The following HOOK2 variants were observed in gnomAD, a reference collection of about 807,000 sequenced individuals.
HOOK2 encodes the protein protein Hook homolog 2.
Under a neutral mutation model 111.9 loss-of-function variants are expected in HOOK2, and 108 were observed. The ratio of observed to expected loss-of-function variants is 0.96; its 90% CI spans 0.83 to 1.13. The LOEUF (loss-of-function observed/expected upper bound fraction) is 1.13, where lower values mean the gene tolerates loss of function less well. Among genes scored for constraint, HOOK2 ranks in the 50% most tolerant of loss-of-function variants. HOOK2 has a pLI of 0.00. For synonymous variants in HOOK2, 405 were observed against 394.3 expected (o/e 1.03, Z -0.32); for missense variants, 978 against 951.3 (o/e 1.03, Z -0.37).
At chr19:12,788,665 G>A (rs1047426720) in intron 3 of HOOK2, among the ~76,000 whole-genome samples, 3 of 151,792 alleles carry the variant, frequency 2.0e-5, no homozygotes, top group Non-Finnish European at 2.9e-5. Flanking sequence ...CCTGGCTTTT[G>A]GGACCTGCAA....
chr19:12,764,500 T>C (rs935288458), intron 20 of HOOK2: 5 of 269,218 alleles, frequency 1.9e-5, no homozygotes, highest in African/African-American at 6.7e-5. Context: ...CAGCTAATTT[T>C]TGTATTTTTA....
intron 7 of HOOK2, chr19:12,771,726 A>C (rs1968334781): frequency 2.0e-6 from 1 of 501,554 alleles, no homozygotes; most frequent in Non-Finnish European, 3.6e-6. Context: ...TACTAAAAAC[A>C]CAAAAATTAG....
chr19:12,768,003 T>G lies in HOOK2; in HGVS notation c.1215+10A>C, dbSNP rs1280650605. ...AGGGTGGGGCTTGGGCAGTGGAACC[T>G]CAGCCTCACCTCCTTCTCCTTTGTC... On this transcript the variant is annotated intron_variant, in intron 12 of 22. Transcript: ENST00000397668. 1 of 1,613,362 alleles carries G rather than the reference T, an allele frequency of 6.2e-7. No individual in the cohort carries two copies. The highest frequency in any genetic ancestry group is 1.1e-5 in the South Asian group (1 of 91,050).
intron 7 of HOOK2, 120 bp downstream of exon 7, chr19:12,772,070 G>T: frequency 2.6e-6 from 2 of 763,908 alleles, no homozygotes; most frequent in African/African-American, 1.7e-5. Context: ...TCTGTAAGTG[G>T]GGTCTGGACC....
At chr19:12,783,715 T>C (rs986449994) in intron 3 of HOOK2, among the ~76,000 whole-genome samples, 2 of 152,080 alleles carry the variant, frequency 1.3e-5, no homozygotes, top group Non-Finnish European at 2.9e-5. Flanking sequence ...GTTGGGTTGT[T>C]GTGGGGATTA....
In HOOK2 at chr19:12,791,715, C is replaced by A; in HGVS notation, n.42-17490G>T. On this transcript the variant is annotated intron_variant and non_coding_transcript_variant, in intron 3 of 3. Coordinates refer to the HOOK2 transcript ENST00000589765. The surrounding 1 kb of genome is among the most constrained non-coding windows in gnomAD (Gnocchi z 7.0). ...GCAGCGGAGAGCTCGCCGCTCGCTG[C>A]AGCGAGGCCCGGAGCGGCCCCGCAG... The A allele has an allele frequency of 7.5e-7, 1 of 1,334,134 alleles. No homozygotes were observed. The allele number at this position is 1,334,134 out of a possible 1,614,324, so 82.6% of individuals were successfully genotyped here. A position where few individuals can be genotyped will look rare whatever the true frequency, so the allele number is the denominator to read the frequency against.
chr19:12,765,631 A>G lies in HOOK2; in HGVS notation c.1640+59T>C, dbSNP rs1286849585. The stretch of plus-strand genomic sequence containing the variant: ...AGGCATGGTGGCACATGCCTAAGAA[A>G]CTCCCCACTAATATCAAATCCATGC... On this transcript the variant is annotated intron_variant, in intron 18 of 22. Transcript: ENST00000397668. 2.5e-6 allele frequency: 4 copies of G among 1,600,394 alleles called. No individual in the cohort carries two copies. The Admixed American group carries it at 6.7e-5, about 27-fold the overall frequency.
Position 12,772,780 on chromosome 19 carries a change from CCTG to C in HOOK2, c.385_387del (p.Gln129del). ...TGGGGACCCCCTAAGCTCCCCATAC[CCTG>C]CTTTTTCTCGCAACTGATGGCACAG... is the stretch of plus-strand genomic sequence containing the variant. On this transcript the variant is annotated inframe_deletion and splice_region_variant, in exon 5 of 23. Transcript: ENST00000397668. 6.2e-7 allele frequency: 1 copy of C among 1,614,118 alleles called. No individual in the cohort carries two copies.
chr19:12,787,450 G>T (rs919095813), intron 3 of HOOK2, among the ~76,000 whole-genome samples: 6 of 151,900 alleles, frequency 3.9e-5, no homozygotes, highest in Non-Finnish European at 5.9e-5. Flanking sequence ...GGCCAACATG[G>T]TGAAACCCCA....
At chr19:12,789,268 C>T (rs1218041733) in intron 3 of HOOK2, among the ~76,000 whole-genome samples, 3 of 152,054 alleles carry the variant, frequency 2.0e-5, no homozygotes, top group Non-Finnish European at 4.4e-5. Flanking sequence ...TGGGTTCACA[C>T]ACTAACTGCT....
upstream of HOOK2, among the ~76,000 whole-genome samples, chr19:12,776,917 G>C (rs1968531313): frequency 1.3e-5 from 2 of 151,836 alleles, no homozygotes; most frequent in Non-Finnish European, 2.9e-5. Flanking sequence ...CAGCACTTTG[G>C]GAGGCCTAGG....
In HOOK2 at chr19:12,766,107, G is replaced by A. The variant is rs745779203; in HGVS notation, c.1507C>T (p.His503Tyr). The change falls in exon 15 of 23, where the codon CAC (histidine) becomes TAC (tyrosine). Residue 503 changes from histidine (H) to tyrosine (Y), a missense_variant. Transcript: ENST00000397668. ...GGTAGGTCCCCAGGCGCTCACCGGT[G>A]CTGCGTCTCCAACCCGTGGCGCGCG... ...NRARHGLETQ[H>Y]RLNQQQLSEL... 17 of 1,602,332 alleles carry A rather than the reference G, an allele frequency of 1.1e-5. No homozygotes were observed. Among genetic ancestry groups the A allele is most frequent in the Non-Finnish European group, 1.4e-5 (17 of 1,178,326 alleles).
rs117601159 is a variant in HOOK2 at position 12,791,140 on chromosome 19, C to A, written n.42-16915G>T. Reference sequence around the variant, plus strand: ...TTCTTCGCACATACTGGGACCCTCACCCCACTTGCTGCGTACCAGGTCCTG... The same window carrying A: ...TTCTTCGCACATACTGGGACCCTCAACCCACTTGCTGCGTACCAGGTCCTG... On this transcript the variant is annotated intron_variant and non_coding_transcript_variant, in intron 3 of 3. Transcript: ENST00000589765. This position sits in a 1 kb window ranked among gnomAD's most constrained non-coding sequence, Gnocchi z 7.0. Among the ~76,000 whole-genome samples, 2 of 152,326 alleles carry A rather than the reference C, an allele frequency of 1.3e-5. No homozygotes were observed. Among genetic ancestry groups the A allele is most frequent in the East Asian group, 3.9e-4 (2 of 5,190 alleles).
At position 12,765,029 on chromosome 19, in the gene HOOK2, C is replaced by T; in HGVS notation, c.1693G>A (p.Glu565Lys). Residue 565 changes from glutamate to lysine, a missense_variant, in exon 19 of 23, where the codon GAG (glutamate) becomes AAG (lysine). Glu to Lys is a moderately conservative substitution (Grantham distance 56, BLOSUM62 1). Transcript: ENST00000397668. ...LELQRKREYI[E>K]ELEPPTDSST... ...CTGTCAGTGGGTGGCTCCAGCTCCT[C>T]AATGTACTCCCGCTTCCTCTGCAAC... 4 of 1,614,178 alleles carry T rather than the reference C, an allele frequency of 2.5e-6. No individual in the cohort carries two copies. Among genetic ancestry groups the T allele is most frequent in the Non-Finnish European group, 3.4e-6 (4 of 1,180,018 alleles).
chr19:12,766,785 G>A (rs1320976859), intron 14 of HOOK2, among the ~76,000 whole-genome samples: 4 of 152,080 alleles, frequency 2.6e-5, no homozygotes, highest in East Asian at 1.9e-4. Context: ...GGGTTTCACC[G>A]TGTTAGCCAG....
intron 20 of HOOK2, among the ~76,000 whole-genome samples, chr19:12,764,162 A>G (rs748929657): frequency 1.5e-5 from 2 of 136,260 alleles, no homozygotes; most frequent in Non-Finnish European, 3.2e-5. Context: ...TTACAGGCGC[A>G]TGTTACCAAT....
At chr19:12,768,383 T>C (rs1442872381) in intron 11 of HOOK2, among the ~76,000 whole-genome samples, 3 of 152,062 alleles carry the variant, frequency 2.0e-5, no homozygotes, top group Admixed American at 6.5e-5. Flanking sequence ...GTGTGAGCCG[T>C]TGCACCCAGC....
chr19:12,782,481 G>A (rs76619030), upstream of HOOK2, among the ~76,000 whole-genome samples: 5,359 of 152,324 alleles, frequency 0.035, 344 homozygotes, highest in African/African-American at 0.12. Context: ...GTGCGCAGAG[G>A]GCCTCCCGCC....
chr19:12,771,775 G>C (rs1042272428), intron 7 of HOOK2: 2 of 417,628 alleles, frequency 4.8e-6, no homozygotes, highest in East Asian at 4.7e-5. Flanking sequence ...CTGGCTACTC[G>C]GGAGGCTGAG....
Sources: gnomAD v4.1 joint callset for allele counts (sites outside exome capture counted in the v4.1 genomes callset) on GRCh38, gnomAD v4.1.1 for gene constraint, Gnocchi (gnomAD v3.1) non-coding constraint, MANE v1.5 for transcripts, NCBI Gene and HGNC (gene_info 2026-07-23, HGNC 2026-07-21) for gene names.